Variants in FARS2 observed in about 807,000 individuals in gnomAD.
FARS2 encodes phenylalanine--tRNA ligase, mitochondrial.
FARS2 carries 40 observed loss-of-function variants against 46.4 expected under a neutral mutation model. The ratio of observed to expected loss-of-function variants is 0.86; its 90% CI spans 0.67 to 1.12. The LOEUF (loss-of-function observed/expected upper bound fraction) is 1.12. Among genes scored for constraint, FARS2 ranks in the 50% most tolerant of loss-of-function variants. The pLI is 0.00. For synonymous variants in FARS2, 234 were observed against 214.9 expected (o/e 1.09, Z -0.78); for missense variants, 513 against 567.9 (o/e 0.90, Z 0.98).
At chr6:5,345,500 C>G (rs936457713) in intron 1 of FARS2, among the ~76,000 whole-genome samples, 2 of 152,204 alleles carry the variant, frequency 1.3e-5, no homozygotes, top group African/African-American at 4.8e-5. Context: ...AAGTTCAGTT[C>G]TAGGTCTCCT....
At chr6:5,738,572 A>G (rs761249215) in intron 6 of FARS2, among the ~76,000 whole-genome samples, 1 of 152,244 alleles carries the variant, frequency 6.6e-6, no homozygotes, top group Admixed American at 6.5e-5. Flanking sequence ...CTACATAATT[A>G]TAAGGGATGT....
chr6:5,727,977 C>T lies in FARS2; in HGVS notation c.1218-43314C>T, dbSNP rs900491576. On this transcript the variant is annotated intron_variant, in intron 6 of 6. Coordinates refer to ENST00000274680, the MANE Select transcript of FARS2 (RefSeq NM_006567.5). This position sits in a 1 kb window ranked among gnomAD's most constrained non-coding sequence, Gnocchi z 4.1. ...TGGGGTGAAAGGTCCCTGGGAGCTTCGCTTACCACCGTGGGCACTTAATGG... is the reference window on the plus strand; with the variant it reads ...TGGGGTGAAAGGTCCCTGGGAGCTTTGCTTACCACCGTGGGCACTTAATGG... Among the ~76,000 whole-genome samples the T allele has an allele frequency of 1.3e-5, 2 of 152,254 alleles. No homozygotes were observed. The highest frequency in any genetic ancestry group is 1.9e-4 in the East Asian group (1 of 5,182).
intron 3 of FARS2, among the ~76,000 whole-genome samples, chr6:5,406,449 C>T (rs1175197638): frequency 6.6e-6 from 1 of 152,204 alleles, no homozygotes; most frequent in Non-Finnish European, 1.5e-5. Context: ...CTTACCACAT[C>T]TCACCCCGGG....
At chr6:5,676,014 G>T (rs1778748932) in intron 6 of FARS2, among the ~76,000 whole-genome samples, 1 of 151,858 alleles carries the variant, frequency 6.6e-6, no homozygotes, top group Non-Finnish European at 1.5e-5. Context: ...AATGAAGGAA[G>T]CACTTAAAGT....
At chr6:5,410,798 T>C (rs188853745) in intron 3 of FARS2, among the ~76,000 whole-genome samples, 1 of 152,194 alleles carries the variant, frequency 6.6e-6, no homozygotes, top group African/African-American at 2.4e-5. Flanking sequence ...TATAATTAAT[T>C]GTTAGTGCTA....
intron 1 of FARS2, among the ~76,000 whole-genome samples, chr6:5,329,908 A>G (rs1272097072): frequency 6.6e-6 from 1 of 152,224 alleles, no homozygotes; most frequent in African/African-American, 2.4e-5. Flanking sequence ...TCGACATGAT[A>G]GATTACATCA....
chr6:5,681,856 G>T (rs1779049821), intron 6 of FARS2, among the ~76,000 whole-genome samples: 1 of 152,142 alleles, frequency 6.6e-6, no homozygotes. Context: ...ACATTTGTTT[G>T]GTGCTTGAAG....
chr6:5,368,508 G>A, intron 1 of FARS2, 42 bp from the exon 2 acceptor site: 3 of 1,532,256 alleles, frequency 2.0e-6, no homozygotes, highest in Non-Finnish European at 2.6e-6. Context: ...GCTTTCCACA[G>A]AGTGACACCT....
chr6:5,677,428 T>C (rs1185134716), intron 6 of FARS2, among the ~76,000 whole-genome samples: 1 of 152,222 alleles, frequency 6.6e-6, no homozygotes, highest in Non-Finnish European at 1.5e-5. Context: ...GTTAAAGAAC[T>C]TGGCAATGAA....
intron 4 of FARS2, chr6:5,466,976 T>A (rs1274874926): frequency 1.3e-5 from 13 of 985,304 alleles, no homozygotes; most frequent in Non-Finnish European, 1.6e-5. Context: ...GAGGCACATA[T>A]TCTTCAGTTC....
intron 2 of FARS2, among the ~76,000 whole-genome samples, chr6:5,394,767 GTT>G (rs145074799): frequency 2.0e-4 from 30 of 150,324 alleles, no homozygotes; most frequent in African/African-American, 7.1e-4. Flanking sequence ...AAGGGACAGT[GTT>G]TTTTTTTAAA....
intron 6 of FARS2, among the ~76,000 whole-genome samples, chr6:5,678,270 C>G (rs1392483797): frequency 6.6e-6 from 1 of 152,198 alleles, no homozygotes; most frequent in Non-Finnish European, 1.5e-5. Flanking sequence ...GCAGCCAAGA[C>G]TATTTTGTAG....
At chr6:5,252,694 G>A in the FARS2 span, among the ~76,000 whole-genome samples, 3 of 151,958 alleles carry the variant, frequency 2.0e-5, no homozygotes, top group Non-Finnish European at 4.4e-5. Flanking sequence ...TGAAGTTTTG[G>A]TCAATGAGCA....
chr6:5,287,686 C>T (rs1216494230), intron 1 of FARS2, among the ~76,000 whole-genome samples: 1 of 152,200 alleles, frequency 6.6e-6, no homozygotes, highest in Non-Finnish European at 1.5e-5. Flanking sequence ...CATAGAATGC[C>T]ACAAATTCTG....
intron 5 of FARS2, among the ~76,000 whole-genome samples, chr6:5,550,903 G>A (rs965522054): frequency 2.0e-5 from 3 of 152,148 alleles, no homozygotes; most frequent in African/African-American, 4.8e-5. Context: ...CCCTCTGTTT[G>A]ACTAAATACC....
At chr6:5,388,745 A>G (rs1181414194) in intron 2 of FARS2, among the ~76,000 whole-genome samples, 2 of 152,056 alleles carry the variant, frequency 1.3e-5, no homozygotes, top group Non-Finnish European at 2.9e-5. Context: ...CATTTGTATC[A>G]TGTAACCTAT....
chr6:5,530,699 TAAC>T (rs1421687216), intron 4 of FARS2, among the ~76,000 whole-genome samples: 7 of 146,878 alleles, frequency 4.8e-5, no homozygotes, highest in Non-Finnish European at 7.5e-5. Flanking sequence ...TATATAACAA[TAAC>T]AATATCTATA....
At chr6:5,366,652 A>G (rs891549805) in intron 1 of FARS2, among the ~76,000 whole-genome samples, 1 of 152,176 alleles carries the variant, frequency 6.6e-6, no homozygotes, top group Non-Finnish European at 1.5e-5. Context: ...ATGGAACCCA[A>G]GTGTGGGTTT....
chr6:5,435,516 A>C (rs1763470494), intron 4 of FARS2, among the ~76,000 whole-genome samples: 1 of 152,174 alleles, frequency 6.6e-6, no homozygotes. Context: ...TAGTGTCTTC[A>C]CCGTTGATTT....
Sources: allele counts gnomAD v4.1 joint callset (sites outside exome capture counted in the v4.1 genomes callset), GRCh38; gene constraint gnomAD v4.1.1; non-coding constraint Gnocchi (gnomAD v3.1); transcripts MANE v1.5; gene names NCBI Gene and HGNC (gene_info 2026-07-23, HGNC 2026-07-21).